Variants in AXDND1 observed in about 807,000 individuals in gnomAD.
The protein encoded by AXDND1 is axonemal dynein light chain domain containing 1.
A neutral mutation model predicts 137.5 loss-of-function variants in AXDND1; 110 were observed. That is an observed-to-expected ratio of 0.80 (90% CI 0.69 to 0.94). The LOEUF is 0.94. Ranked by LOEUF, AXDND1 falls within the 40% of genes least tolerant of loss-of-function variation. The pLI is 0.00. For missense variants in AXDND1, 1,191 were observed against 1,169.8 expected, an observed-to-expected ratio of 1.02 and a Z score of -0.26; for synonymous variants, 414 against 399.7, an observed-to-expected ratio of 1.04 and a Z score of -0.43.
chr1:179,399,148 A>G (rs996122133), intron 11 of AXDND1, among the ~76,000 whole-genome samples: 1 of 152,186 alleles, frequency 6.6e-6, no homozygotes, highest in Non-Finnish European at 1.5e-5. Flanking sequence ...CTATTCTACA[A>G]TCAACATTTT....
Position 179,551,287 on chromosome 1 carries a change from T to C in AXDND1, c.3032-3225T>C, listed in dbSNP as rs3818587. The C allele has an allele frequency of 0.085, 136,431 of 1,613,852 alleles. 6,329 individuals carry two copies. Among genetic ancestry groups the C allele is most frequent in the Non-Finnish European group, 0.091 (107,205 of 1,179,946 alleles). On this transcript the variant is annotated intron_variant, in intron 25 of 25. Coordinates refer to ENST00000367618, the MANE Select transcript of AXDND1 (RefSeq NM_144696.6). ...TGCTGGGAGAAGACAGGCAATTCAG[T>C]AGGTCAAATGGCAAAGGTAAAACCA... is the stretch of plus-strand genomic sequence containing the variant.
chr1:179,392,474 C>A (rs1650354707), intron 9 of AXDND1, among the ~76,000 whole-genome samples: 1 of 152,116 alleles, frequency 6.6e-6, no homozygotes, highest in African/African-American at 2.4e-5. Flanking sequence ...GACTTATTTT[C>A]CTGTGGGTAG....
At chr1:179,465,536 G>C (rs973361671) in intron 16 of AXDND1, among the ~76,000 whole-genome samples, 5 of 152,224 alleles carry the variant, frequency 3.3e-5, no homozygotes, top group African/African-American at 1.2e-4. Flanking sequence ...GCCCCTACTG[G>C]GAGGTGTCTC....
chr1:179,540,046 C>T (rs1009561490), intron 25 of AXDND1, among the ~76,000 whole-genome samples: 9 of 151,982 alleles, frequency 5.9e-5, no homozygotes, highest in Admixed American at 2.0e-4. Flanking sequence ...TCCGTCAGGT[C>T]ATTTATGTTC....
rs1246869175 is a variant in AXDND1, at chr1:179,385,329, CAG to C, written c.835_836del (p.Asp279GlnfsTer7). The C allele has an allele frequency of 6.2e-7, 1 of 1,613,914 alleles. No individual in the cohort carries two copies. Among genetic ancestry groups the C allele is most frequent in the Non-Finnish European group, 8.5e-7 (1 of 1,179,846 alleles). On this transcript the variant is annotated frameshift_variant, in exon 9 of 26. Coordinates refer to ENST00000367618, the MANE Select transcript of AXDND1 (RefSeq NM_144696.6). LOFTEE classifies it high-confidence loss of function. ...ATTCGACAAGTCAGTGTGGACTGTG[CAG>C]ACAGAGGAGAACTTCTGTCTAAAGT...
chr1:179,392,549 A>G lies in AXDND1; in HGVS notation c.864-1354A>G, dbSNP rs146732743. 4.9e-4 allele frequency among the ~76,000 whole-genome samples: 74 copies of G among 152,338 alleles called. 1 individual carries two copies. The highest frequency in any genetic ancestry group is 1.7e-3 in the African/African-American group (72 of 41,582). On this transcript the variant is annotated intron_variant, in intron 9 of 25. Coordinates refer to ENST00000367618, the MANE Select transcript of AXDND1 (RefSeq NM_144696.6). Reference sequence around the variant, plus strand: ...ACTTTTAGTTCTTTGAAGAATCTCCATACTGTTTTCCATAGTGGTTGTACT... The same window carrying G: ...ACTTTTAGTTCTTTGAAGAATCTCCGTACTGTTTTCCATAGTGGTTGTACT...
At chr1:179,523,516 A>G (rs1045931544) in intron 21 of AXDND1, among the ~76,000 whole-genome samples, 4 of 152,144 alleles carry the variant, frequency 2.6e-5, no homozygotes, top group African/African-American at 9.7e-5. Flanking sequence ...GAAAATCCAT[A>G]CTGGTTAGCA....
intron 25 of AXDND1, among the ~76,000 whole-genome samples, chr1:179,540,256 T>C (rs1212305628): frequency 6.6e-6 from 1 of 152,276 alleles, no homozygotes. Flanking sequence ...GTTGTGATCC[T>C]TTGGAGGATA....
intron 12 of AXDND1, among the ~76,000 whole-genome samples, chr1:179,428,976 A>G (rs1359822526): frequency 6.6e-6 from 1 of 150,612 alleles, no homozygotes; most frequent in African/African-American, 2.4e-5. Context: ...CAGGAGATCG[A>G]GACAATCCTG....
At chr1:179,376,659 G>T (rs370817002) in intron 4 of AXDND1, among the ~76,000 whole-genome samples, 1 of 152,114 alleles carries the variant, frequency 6.6e-6, no homozygotes, top group Admixed American at 6.6e-5. Context: ...TATTTGGGTG[G>T]TGTTGTTATT....
chr1:179,505,640 T>A (rs1342163938), intron 20 of AXDND1, among the ~76,000 whole-genome samples: 3 of 141,714 alleles, frequency 2.1e-5, no homozygotes, highest in Non-Finnish European at 4.6e-5. Flanking sequence ...AGAGCGAAAC[T>A]CCATCTCAAA....
At chr1:179,498,876 G>A (rs1397017132) in intron 20 of AXDND1, among the ~76,000 whole-genome samples, 1 of 151,738 alleles carries the variant, frequency 6.6e-6, no homozygotes, top group Non-Finnish European at 1.5e-5. Flanking sequence ...ACCACAATGA[G>A]ATACCATCTT....
At chr1:179,416,869 C>G (rs991257317) in intron 12 of AXDND1, among the ~76,000 whole-genome samples, 3 of 152,160 alleles carry the variant, frequency 2.0e-5, no homozygotes, top group Admixed American at 6.5e-5. Context: ...AATAAAACAC[C>G]CTTTACCCAC....
chr1:179,469,172 C>G (rs558517529), intron 17 of AXDND1, among the ~76,000 whole-genome samples: 2 of 151,626 alleles, frequency 1.3e-5, no homozygotes, highest in Non-Finnish European at 2.9e-5. Flanking sequence ...TCAGGTGATA[C>G]GCCCACCTTG....
chr1:179,443,586 A>G (rs1659312675), intron 15 of AXDND1, among the ~76,000 whole-genome samples: 1 of 152,118 alleles, frequency 6.6e-6, no homozygotes, highest in Non-Finnish European at 1.5e-5. Flanking sequence ...CCCCTGGGCA[A>G]TCTCATTCTA....
At chr1:179,427,106 G>A (rs980701267) in intron 12 of AXDND1, among the ~76,000 whole-genome samples, 11 of 152,214 alleles carry the variant, frequency 7.2e-5, no homozygotes, top group African/African-American at 2.4e-5. Flanking sequence ...AGAGGTTGCA[G>A]TAAGCCGAAA....
intron 11 of AXDND1, among the ~76,000 whole-genome samples, chr1:179,400,417 G>A (rs1651777373): frequency 6.6e-6 from 1 of 151,950 alleles, no homozygotes; most frequent in African/African-American, 2.4e-5. Context: ...TTGGGGACTT[G>A]GGGGAAAGAG....
chr1:179,439,442 G>A (rs901513065), intron 15 of AXDND1, among the ~76,000 whole-genome samples: 6 of 152,152 alleles, frequency 3.9e-5, no homozygotes, highest in Non-Finnish European at 8.8e-5. Context: ...GAATCTAACT[G>A]TTCTATGTCA....
In AXDND1 at chr1:179,378,775, C is replaced by T. The variant is rs372829049; in HGVS notation, c.495+18C>T. 33 of 1,476,766 alleles carry T rather than the reference C, an allele frequency of 2.2e-5. No homozygotes were observed. In the African/African-American group the frequency reaches 4.3e-4, roughly 19 times the overall value. 91.5% of individuals were successfully genotyped at this position (1,476,766 alleles called of 1,614,324 possible). A position where few individuals can be genotyped will look rare whatever the true frequency, so the allele number is the denominator to read the frequency against. ...CCCATAAGGTAAATAAAGTATTTGA[C>T]AAATAATCTTCTCTCCCTCTGTCTA... is the stretch of plus-strand genomic sequence containing the variant. On this transcript the variant is annotated intron_variant, in intron 5 of 25. Transcript: ENST00000367618.
Sources: gnomAD v4.1 joint callset for allele counts (sites outside exome capture counted in the v4.1 genomes callset) on GRCh38, gnomAD v4.1.1 for gene constraint, MANE v1.5 for transcripts, NCBI Gene and HGNC (gene_info 2026-07-23, HGNC 2026-07-21) for gene names.